The following PPP3CA variants were observed in gnomAD, a reference collection of about 807,000 sequenced individuals.
PPP3CA encodes CAM-PRP catalytic subunit.
A neutral mutation model predicts 66.5 loss-of-function variants in PPP3CA; 14 were observed. The ratio of observed to expected loss-of-function variants is 0.21; its 90% confidence interval spans 0.14 to 0.33. The LOEUF is 0.33. Ranked by LOEUF, PPP3CA falls within the 10% of genes least tolerant of loss-of-function variation. The pLI, the probability that PPP3CA is intolerant of heterozygous loss-of-function variation, is 1.00. For missense variants in PPP3CA, 317 were observed against 639.5 expected, an observed-to-expected ratio of 0.50 and a Z score of 5.44; for synonymous variants, 232 against 226.2, an observed-to-expected ratio of 1.03 and a Z score of -0.23.
intron 6 of PPP3CA, among the ~76,000 whole-genome samples, chr4:101,090,732 T>A (rs536114727): frequency 6.6e-6 from 1 of 151,256 alleles, no homozygotes; most frequent in African/African-American, 2.4e-5. Flanking sequence ...ATTCTCTGAT[T>A]ATCCTCTATT....
chr4:101,094,206 T>C (rs1284396967), intron 5 of PPP3CA, among the ~76,000 whole-genome samples: 2 of 152,182 alleles, frequency 1.3e-5, no homozygotes, highest in Non-Finnish European at 2.9e-5. Context: ...TTTCGCAGTT[T>C]CTCATTTCTC....
intron 3 of PPP3CA, among the ~76,000 whole-genome samples, chr4:101,105,236 G>A (rs1363098645): frequency 6.7e-6 from 1 of 149,182 alleles, no homozygotes; most frequent in African/African-American, 2.5e-5. Flanking sequence ...GCATGATCTC[G>A]GCTCACTGCA....
intron 1 of PPP3CA, among the ~76,000 whole-genome samples, chr4:101,289,015 A>C (rs1040639613): frequency 6.6e-6 from 1 of 151,964 alleles, no homozygotes. Flanking sequence ...GCGTAGGAGG[A>C]AAAAAACAAG....
intron 1 of PPP3CA, among the ~76,000 whole-genome samples, chr4:101,225,918 G>A (rs1725767340): frequency 6.6e-6 from 1 of 151,768 alleles, no homozygotes. Context: ...TTGTGTTTCA[G>A]TGTGGGGAGT....
intron 10 of PPP3CA, among the ~76,000 whole-genome samples, chr4:101,047,010 A>G (rs1727794756): frequency 1.3e-5 from 2 of 152,184 alleles, no homozygotes; most frequent in Admixed American, 6.5e-5. Flanking sequence ...TTATGAATAT[A>G]AAGACTGTCT....
intron 1 of PPP3CA, among the ~76,000 whole-genome samples, chr4:101,328,076 G>A (rs1428259038): frequency 6.6e-6 from 1 of 152,172 alleles, no homozygotes; most frequent in African/African-American, 2.4e-5. Flanking sequence ...TGAAGCAAGA[G>A]ATGGTAAGAG....
chr4:101,038,550 A>T (rs1188771535), intron 11 of PPP3CA, among the ~76,000 whole-genome samples: 2 of 151,682 alleles, frequency 1.3e-5, no homozygotes, highest in Non-Finnish European at 2.9e-5. Context: ...TCGTATTTTT[A>T]GTAGAGACAG....
intron 1 of PPP3CA, among the ~76,000 whole-genome samples, chr4:101,229,800 A>C (rs1725901541): frequency 6.6e-6 from 1 of 151,652 alleles, no homozygotes; most frequent in South Asian, 2.1e-4. Context: ...GAGGTAGAAA[A>C]GGAGGAAATC....
chr4:101,262,048 T>G (rs180792567), intron 1 of PPP3CA, among the ~76,000 whole-genome samples: 96 of 152,202 alleles, frequency 6.3e-4, no homozygotes, highest in South Asian at 1.7e-3. Flanking sequence ...CTAAGAATTA[T>G]TCAATGAATT....
intron 2 of PPP3CA, among the ~76,000 whole-genome samples, chr4:101,144,738 T>C (rs916696129): frequency 3.9e-5 from 6 of 152,164 alleles, no homozygotes; most frequent in South Asian, 2.1e-4. Context: ...CTGAGCTAAA[T>C]AGAAGAATGA....
At chr4:101,127,796 A>C (rs1171186567) in intron 2 of PPP3CA, among the ~76,000 whole-genome samples, 1 of 152,184 alleles carries the variant, frequency 6.6e-6, no homozygotes, top group African/African-American at 2.4e-5. Context: ...TATGTCAAGC[A>C]ATGTTTCTAA....
At chr4:101,174,322 C>T (rs558180695) in intron 2 of PPP3CA, among the ~76,000 whole-genome samples, 2 of 152,112 alleles carry the variant, frequency 1.3e-5, no homozygotes, top group Non-Finnish European at 2.9e-5. Flanking sequence ...GAAACAACCA[C>T]ACCATTTGTT....
intron 3 of PPP3CA, 132 bp downstream of exon 3, chr4:101,108,822 T>C (rs1721537022): frequency 1.1e-6 from 1 of 898,524 alleles, no homozygotes; most frequent in South Asian, 1.8e-5. Context: ...TAATATGTAA[T>C]ATCCTATGAA....
chr4:101,106,450 A>AAAGAAAGAAAGAAGAG (rs751759518), intron 3 of PPP3CA, among the ~76,000 whole-genome samples: 7 of 11,094 alleles, frequency 6.3e-4, no homozygotes, highest in Admixed American at 1.1e-3. Context: ...AGAAAGAAAG[A>AAAGAAAGAAAGAAGAG]AAGAGAAAAG....
At chr4:101,265,204 C>T (rs1422447614) in intron 1 of PPP3CA, among the ~76,000 whole-genome samples, 4 of 152,168 alleles carry the variant, frequency 2.6e-5, no homozygotes. Context: ...GCAGCCTTGA[C>T]CTCCTGGGCT....
chr4:101,110,649 T>C (rs1721639482), intron 2 of PPP3CA, among the ~76,000 whole-genome samples: 1 of 152,234 alleles, frequency 6.6e-6, no homozygotes. Flanking sequence ...TGAAAAAATA[T>C]GTTTTAAAAC....
chr4:101,328,090 T>C (rs1379311362), intron 1 of PPP3CA, among the ~76,000 whole-genome samples: 1 of 152,136 alleles, frequency 6.6e-6, no homozygotes, highest in African/African-American at 2.4e-5. Context: ...GTAAGAGGCC[T>C]CCGTGTGAAA....
intron 1 of PPP3CA, among the ~76,000 whole-genome samples, chr4:101,267,130 A>C (rs1727192520): frequency 6.6e-6 from 1 of 152,228 alleles, no homozygotes; most frequent in African/African-American, 2.4e-5. Context: ...CCACAACCTC[A>C]AACTGAGTAG....
intron 2 of PPP3CA, among the ~76,000 whole-genome samples, chr4:101,179,070 TCATATTTGACTCCCCA>T: frequency 6.6e-6 from 1 of 152,194 alleles, no homozygotes. Flanking sequence ...AATCCCTTCA[TCATATTTGACTCCCCA>T]CAATTTTCTT....
Sources: allele counts gnomAD v4.1 joint callset (sites outside exome capture counted in the v4.1 genomes callset), GRCh38; gene constraint gnomAD v4.1.1; transcripts MANE v1.5; gene names NCBI Gene and HGNC (gene_info 2026-07-23, HGNC 2026-07-21).